Variants in ANKRD12 observed in about 807,000 individuals in gnomAD.
ANKRD12 encodes ankyrin repeat domain 12, also known as ankyrin repeat domain-containing protein 12.
Under a neutral mutation model 183.4 loss-of-function variants are expected in ANKRD12, and 85 were observed. That is an observed-to-expected ratio of 0.46 (90% CI 0.39 to 0.56). ANKRD12 has a LOEUF of 0.56. Among genes scored for constraint, ANKRD12 ranks in the 20% least tolerant of loss-of-function variants. ANKRD12 has a pLI of 0.00. For missense variants in ANKRD12, 2,405 were observed against 2,357.1 expected (o/e 1.02, Z -0.42); for synonymous variants, 914 against 800.2 (o/e 1.14, Z -2.40).
At chr18:9,271,074 G>T (rs1391994055) in intron 10 of ANKRD12, among the ~76,000 whole-genome samples, 1 of 152,088 alleles carries the variant, frequency 6.6e-6, no homozygotes, top group East Asian at 1.9e-4. Context: ...CAACTGCAGG[G>T]ATTTTCTTTT....
chr18:9,270,576 G>A (rs574936920), intron 10 of ANKRD12, among the ~76,000 whole-genome samples: 2 of 152,102 alleles, frequency 1.3e-5, no homozygotes, highest in African/African-American at 4.8e-5. Context: ...GAGAACACAT[G>A]GACACAGGAA....
chr18:9,273,131 C>G (rs1598774792), intron 10 of ANKRD12, among the ~76,000 whole-genome samples: 1 of 152,088 alleles, frequency 6.6e-6, no homozygotes, highest in Non-Finnish European at 1.5e-5. Flanking sequence ...CAGGGTTATC[C>G]CCATTGATAC....
intron 7 of ANKRD12, among the ~76,000 whole-genome samples, chr18:9,218,599 C>G (rs1047860143): frequency 6.6e-6 from 1 of 151,886 alleles, no homozygotes; most frequent in South Asian, 2.1e-4. Context: ...ATTAACATAG[C>G]TTACTAAGAA....
intron 1 of ANKRD12, among the ~76,000 whole-genome samples, chr18:9,138,185 A>G (rs999638974): frequency 6.6e-6 from 1 of 152,252 alleles, no homozygotes; most frequent in African/African-American, 2.4e-5. Context: ...GGCTAGTGAA[A>G]TAGCTATTTT....
intron 1 of ANKRD12, among the ~76,000 whole-genome samples, chr18:9,152,075 A>T (rs1039465267): frequency 3.3e-5 from 5 of 152,186 alleles, no homozygotes; most frequent in African/African-American, 1.2e-4. Flanking sequence ...AAAAAGAAAA[A>T]AATAATTTGG....
rs576745492 is a variant in ANKRD12 at position 9,264,518 on chromosome 18, T to C, written c.5763+630T>C. ...TATAACTTCTTTGGTTCATACATGA[T>C]TGATTTTCCTGGCACAGGTTCTTAA... On this transcript the variant is annotated intron_variant, in intron 10 of 12. Transcript: ENST00000262126. 4.0e-4 allele frequency among the ~76,000 whole-genome samples: 61 copies of C among 151,296 alleles called. No individual in the cohort carries two copies. In the South Asian group the frequency reaches 0.012, roughly 31 times the overall value.
At chr18:9,249,848 A>T (rs1283598031) in intron 8 of ANKRD12, 2 of 152,238 alleles carry the variant, frequency 1.3e-5, no homozygotes, top group Non-Finnish European at 2.9e-5. Flanking sequence ...AACCCATATA[A>T]ATATGCATGG....
In ANKRD12 at chr18:9,221,968, G is replaced by T; in HGVS notation, c.912G>T (p.Val304=). Residue 304 remains valine, a synonymous_variant, in exon 8 of 13, where the codon GTG becomes GTT. Coordinates refer to ENST00000262126, the MANE Select transcript of ANKRD12 (RefSeq NM_015208.5). ...TGGAGTTGCTACTAAAAAGAGAGGT[G>T]CCTTTATCTGATGATGATGAAAGTT... ...EELELLLKRE[V]PLSDDDESYT... 1 of 1,613,840 alleles carries T rather than the reference G, an allele frequency of 6.2e-7. No individual in the cohort carries two copies. The highest frequency in any genetic ancestry group is 8.5e-7 in the Non-Finnish European group (1 of 1,179,840).
intron 8 of ANKRD12, among the ~76,000 whole-genome samples, chr18:9,243,017 G>T (rs1418069263): frequency 6.6e-6 from 1 of 152,172 alleles, no homozygotes; most frequent in Admixed American, 6.5e-5. Context: ...AAGAGACTCT[G>T]TAAAATTACC....
At chr18:9,157,591 A>G (rs1454524871) in intron 1 of ANKRD12, among the ~76,000 whole-genome samples, 5 of 112,382 alleles carry the variant, frequency 4.4e-5, no homozygotes, top group African/African-American at 2.3e-4. Context: ...GTGTGTATAT[A>G]TATATATATG....
chr18:9,140,626 A>T (rs1446095778), intron 1 of ANKRD12, among the ~76,000 whole-genome samples: 1 of 152,182 alleles, frequency 6.6e-6, no homozygotes, highest in Non-Finnish European at 1.5e-5. Context: ...AAAGGAGGAG[A>T]TGATTTCCTT....
In ANKRD12 at chr18:9,221,861, C is replaced by T. The variant is rs1396407488; in HGVS notation, c.805C>T (p.Leu269=). 1.9e-6 allele frequency: 3 copies of T among 1,613,660 alleles called. No individual in the cohort carries two copies. Among genetic ancestry groups the T allele is most frequent in the South Asian group, 1.1e-5 (1 of 91,062 alleles). The stretch of plus-strand genomic sequence containing the variant: ...CTTTTTATTGTTGCAGATAGTAAAG[C>T]TGTTACTTCGTCACGGTGGAAATCC... ...ASSGHRDIVK[L]LLRHGGNPFQ... is the part of the protein sequence containing the mutation. Residue 269 remains leucine (L), a synonymous_variant, in exon 8 of 13, where the codon CTG becomes TTG. Coordinates refer to ENST00000262126, the MANE Select transcript of ANKRD12 (RefSeq NM_015208.5).
At position 9,258,649 on chromosome 18, in the gene ANKRD12, G is replaced by T. The variant is rs779487688; in HGVS notation, c.5382G>T (p.Gln1794His). ...PRKRKVSRVP[Q>H]PVQVSPSLLQ... ...AAAGGAAAGTGTCACGTGTACCTCAGCCTGTGCAAGTGAGTCCCTCTTTAC... is the reference window on the plus strand; with the variant it reads ...AAAGGAAAGTGTCACGTGTACCTCATCCTGTGCAAGTGAGTCCCTCTTTAC... The change falls in exon 9 of 13, where the codon CAG becomes CAT. Residue 1794 changes from glutamine (Q) to histidine (H), a missense_variant. By Grantham distance (24) the Gln-to-His change is conservative. Coordinates refer to ENST00000262126, the MANE Select transcript of ANKRD12 (RefSeq NM_015208.5). 1.9e-6 allele frequency: 3 copies of T among 1,613,898 alleles called. No homozygotes were observed. Among genetic ancestry groups the T allele is most frequent in the Non-Finnish European group, 2.5e-6 (3 of 1,179,898 alleles).
chr18:9,200,809 C>A (rs2035118495), intron 3 of ANKRD12, among the ~76,000 whole-genome samples: 1 of 152,130 alleles, frequency 6.6e-6, no homozygotes. Flanking sequence ...CAATTTAATG[C>A]AGTAAGAAGG....
intron 1 of ANKRD12, among the ~76,000 whole-genome samples, chr18:9,178,321 T>TTC (rs1555612825): frequency 0.071 from 4,893 of 69,052 alleles, 186 homozygotes; most frequent in East Asian, 0.32. Context: ...AGGATCAAGA[T>TTC]TCTCTCTCTC....
intron 8 of ANKRD12, among the ~76,000 whole-genome samples, chr18:9,234,209 G>A (rs1051734205): frequency 1.3e-5 from 2 of 152,180 alleles, no homozygotes; most frequent in Non-Finnish European, 2.9e-5. Flanking sequence ...TAGACAGGCA[G>A]CTCTCTGTTT....
chr18:9,220,764 C>T (rs780073914), intron 7 of ANKRD12, among the ~76,000 whole-genome samples: 1 of 152,108 alleles, frequency 6.6e-6, no homozygotes, highest in Non-Finnish European at 1.5e-5. Context: ...GGATGGATCG[C>T]ATAATTGTCA....
chr18:9,222,563 A>G (rs1278617353), intron 8 of ANKRD12, among the ~76,000 whole-genome samples: 2 of 152,014 alleles, frequency 1.3e-5, no homozygotes, highest in African/African-American at 2.4e-5. Context: ...GGGGTTTACC[A>G]TATTTCAGGC....
At chr18:9,262,870 C>G (rs1312970801) in intron 9 of ANKRD12, among the ~76,000 whole-genome samples, 1 of 125,212 alleles carries the variant, frequency 8.0e-6, no homozygotes, top group African/African-American at 3.0e-5. Flanking sequence ...ATGATCTCAA[C>G]TCACTGCAAC....
Sources: allele counts gnomAD v4.1 joint callset (sites outside exome capture counted in the v4.1 genomes callset), GRCh38; gene constraint gnomAD v4.1.1; transcripts MANE v1.5; gene names NCBI Gene and HGNC (gene_info 2026-07-23, HGNC 2026-07-21).